CHST11: variants seen among roughly 807,000 people sequenced by gnomAD.
The protein encoded by CHST11 is C4S-1.
In CHST11, 9 loss-of-function variants were observed where a neutral mutation model predicts 30.4. The ratio of observed to expected loss-of-function variants is 0.30; its 90% CI spans 0.18 to 0.52. The LOEUF (loss-of-function observed/expected upper bound fraction) is 0.52, where lower values mean the gene tolerates loss of function less well. Ranked by LOEUF, CHST11 falls within the 20% of genes least tolerant of loss-of-function variation. The pLI is 0.97. For missense variants in CHST11, 348 were observed against 460.6 expected, an observed-to-expected ratio of 0.76 and a Z score of 2.24; for synonymous variants, 152 against 187.8, an observed-to-expected ratio of 0.81 and a Z score of 1.56.
Position 104,611,720 on chromosome 12 carries a change from C to T in CHST11, c.204+9729C>T, listed in dbSNP as rs527716125. On this transcript the variant is annotated intron_variant, in intron 2 of 2. Transcript: ENST00000303694. ...AGTGAAGAGTATGGCGCTTTTGTCC[C>T]AAGTCTCCGATTCATGCTGATGCCC... 2.0e-4 allele frequency among the ~76,000 whole-genome samples: 30 copies of T among 152,298 alleles called. No homozygotes were observed. The South Asian group carries it at 6.0e-3, about 31-fold the overall frequency.
chr12:104,486,471 T>C (rs1217816071), intron 1 of CHST11, among the ~76,000 whole-genome samples: 9 of 152,166 alleles, frequency 5.9e-5, no homozygotes, highest in Admixed American at 5.2e-4. Flanking sequence ...GGTGACACAG[T>C]GTGGCTGGAC....
At chr12:104,466,329 CAAAA>C (rs1027354465) in intron 1 of CHST11, among the ~76,000 whole-genome samples, 4 of 151,786 alleles carry the variant, frequency 2.6e-5, no homozygotes, top group African/African-American at 9.7e-5. Context: ...TCAAAAAAAA[CAAAA>C]AACAAAAAAC....
chr12:104,711,728 T>A (rs1006868724), intron 2 of CHST11, among the ~76,000 whole-genome samples: 6 of 151,854 alleles, frequency 4.0e-5, no homozygotes, highest in Admixed American at 1.3e-4. Context: ...TAAAAAAAAA[T>A]AAAAAATAAA....
intron 1 of CHST11, among the ~76,000 whole-genome samples, chr12:104,463,352 T>G (rs377703869): frequency 2.7e-4 from 41 of 152,318 alleles, no homozygotes; most frequent in African/African-American, 9.6e-4. Flanking sequence ...GGGGAGGCAG[T>G]TCTTCCTATG....
rs1300926397 is a variant in CHST11, at chr12:104,685,710, G to A, written c.205-71239G>A. 1.3e-4 allele frequency among the ~76,000 whole-genome samples: 20 copies of A among 152,192 alleles called. 1 individual carries two copies. Among genetic ancestry groups the A allele is most frequent in the Admixed American group, 1.3e-3 (20 of 15,286 alleles). On this transcript the variant is annotated intron_variant, in intron 2 of 2. Transcript: ENST00000303694. ...TAGGGACTATTCTTGTTATGGTTGA[G>A]CCGGTGAAGAATTTTGTGTGAGAGA...
chr12:104,614,717 A>G (rs574556974), intron 2 of CHST11, among the ~76,000 whole-genome samples: 160 of 106,558 alleles, frequency 1.5e-3, no homozygotes, highest in African/African-American at 5.6e-3. Flanking sequence ...GTGTGTGTGT[A>G]GAGCCTTGGT....
At chr12:104,644,198 G>A (rs565817763) in intron 2 of CHST11, among the ~76,000 whole-genome samples, 7 of 152,174 alleles carry the variant, frequency 4.6e-5, no homozygotes, top group South Asian at 4.1e-4. Flanking sequence ...CCCTCCCAGC[G>A]TGCACCTCCT....
intron 1 of CHST11, among the ~76,000 whole-genome samples, chr12:104,565,647 G>A (rs2038557462): frequency 6.6e-6 from 1 of 152,100 alleles, no homozygotes; most frequent in African/African-American, 2.4e-5. Context: ...TCTATCACCA[G>A]TATTTGAGGA....
intron 1 of CHST11, among the ~76,000 whole-genome samples, chr12:104,488,067 C>T (rs1363641752): frequency 6.6e-6 from 1 of 152,144 alleles, no homozygotes. Context: ...TGCCACCACG[C>T]CTGGTTTAAA....
chr12:104,623,885 T>C (rs756935485), intron 2 of CHST11, among the ~76,000 whole-genome samples: 6 of 152,206 alleles, frequency 3.9e-5, no homozygotes, highest in Non-Finnish European at 5.9e-5. Flanking sequence ...AAGCTTCCCG[T>C]TGCTGTCATG....
At chr12:104,655,523 G>A (rs1453021763) in intron 2 of CHST11, among the ~76,000 whole-genome samples, 2 of 152,194 alleles carry the variant, frequency 1.3e-5, no homozygotes, top group African/African-American at 4.8e-5. Context: ...TGGAGAAGGT[G>A]GTGGGAAGTA....
chr12:104,744,008 T>C (rs949036519), intron 2 of CHST11, among the ~76,000 whole-genome samples: 1 of 152,254 alleles, frequency 6.6e-6, no homozygotes, highest in East Asian at 1.9e-4. Flanking sequence ...CAGACTATTA[T>C]TGGGCATTTA....
chr12:104,701,523 C>T (rs921324584), intron 2 of CHST11, among the ~76,000 whole-genome samples: 9 of 151,982 alleles, frequency 5.9e-5, no homozygotes, highest in Non-Finnish European at 1.3e-4. Flanking sequence ...GAAGATGGGG[C>T]GGGCTGCCTG....
At chr12:104,638,140 A>C (rs555344123) in intron 2 of CHST11, among the ~76,000 whole-genome samples, 3 of 152,292 alleles carry the variant, frequency 2.0e-5, no homozygotes, top group Non-Finnish European at 4.4e-5. Flanking sequence ...AAGCAGGGGA[A>C]AAGGAGGAGG....
In CHST11 at chr12:104,593,152, A is replaced by G. The variant is rs537423804; in HGVS notation, c.119-8754A>G. Among the ~76,000 whole-genome samples the G allele has an allele frequency of 7.9e-5, 12 of 151,862 alleles. No individual in the cohort carries two copies. In the South Asian group the frequency reaches 2.3e-3, roughly 29 times the overall value. ...CAAGTTTAATTCACTTTAGTTCTAC[A>G]ACCACCTTCTACAGGCTGGGCGTCG... On this transcript the variant is annotated intron_variant, in intron 1 of 2. Coordinates refer to ENST00000303694, the MANE Select transcript of CHST11 (RefSeq NM_018413.6).
chr12:104,528,434 G>C (rs75742739), intron 1 of CHST11, among the ~76,000 whole-genome samples: 3 of 152,100 alleles, frequency 2.0e-5, no homozygotes, highest in African/African-American at 4.8e-5. Context: ...TGAAACTGGC[G>C]AGCAAATGAA....
intron 1 of CHST11, among the ~76,000 whole-genome samples, chr12:104,583,702 A>G (rs1461941214): frequency 7.8e-6 from 1 of 127,492 alleles, no homozygotes; most frequent in Non-Finnish European, 1.6e-5. Flanking sequence ...TTGTGCTCTC[A>G]GTTTTCAAAG....
rs1488125004 is a variant in CHST11, at chr12:104,538,647, G to A, written c.119-63259G>A. 5.3e-5 allele frequency among the ~76,000 whole-genome samples: 8 copies of A among 152,240 alleles called. No individual in the cohort carries two copies. In the South Asian group the frequency reaches 1.0e-3, roughly 20 times the overall value. On this transcript the variant is annotated intron_variant, in intron 1 of 2. Coordinates refer to ENST00000303694, the MANE Select transcript of CHST11 (RefSeq NM_018413.6). ...CTTCATTTCTTTCCTCCACCAGATT[G>A]TAACCTCCTTCATGGAAAAAGCCAA...
intron 2 of CHST11, among the ~76,000 whole-genome samples, chr12:104,637,360 T>A (rs1464758791): frequency 2.8e-5 from 3 of 108,298 alleles, no homozygotes; most frequent in South Asian, 3.5e-4. Context: ...GGGGGAGGGA[T>A]AGCATTAGGA....
Sources: allele counts gnomAD v4.1 joint callset (sites outside exome capture counted in the v4.1 genomes callset), GRCh38; gene constraint gnomAD v4.1.1; transcripts MANE v1.5; gene names NCBI Gene and HGNC (gene_info 2026-07-23, HGNC 2026-07-21).